Variants in VPS13B observed in about 807,000 individuals in gnomAD.
The protein encoded by VPS13B is vacuolar protein sorting 13 homolog B, also known as intermembrane lipid transfer protein VPS13B.
In VPS13B, 285 loss-of-function variants were observed where a neutral mutation model predicts 426.4. The observed-to-expected ratio is 0.67, with a 90% CI of 0.61 to 0.74. The LOEUF is 0.74. Ranked by LOEUF, VPS13B falls within the 30% of genes least tolerant of loss-of-function variation. The probability of loss-of-function intolerance (pLI) is 0.00; values close to 1 mark genes in which losing one functional copy is unlikely to be tolerated. For missense variants in VPS13B, 4,537 were observed against 4,782.6 expected, an observed-to-expected ratio of 0.95 and a Z score of 1.51; for synonymous variants, 1,676 against 1,676.4, an observed-to-expected ratio of 1.00 and a Z score of 0.01.
At chr8:99,765,633 G>C (rs1811179847) in intron 39 of VPS13B, among the ~76,000 whole-genome samples, 1 of 152,238 alleles carries the variant, frequency 6.6e-6, no homozygotes, top group African/African-American at 2.4e-5. Context: ...ATGCAGAAGT[G>C]CCCCCAGGGG....
intron 46 of VPS13B, 51 bp from the exon 47 acceptor site, chr8:99,818,662 A>G (rs750972843): frequency 1.9e-5 from 31 of 1,610,374 alleles, no homozygotes; most frequent in Non-Finnish European, 2.5e-5. Context: ...AACAGCTGGA[A>G]TACTGCAACA....
At chr8:99,386,788 T>C (rs1002346492) in intron 20 of VPS13B, among the ~76,000 whole-genome samples, 1 of 152,002 alleles carries the variant, frequency 6.6e-6, no homozygotes, top group Admixed American at 6.6e-5. Context: ...CTGGGGAACA[T>C]AGCGAGACTC....
chr8:99,625,376 A>G (rs72674702), intron 33 of VPS13B, among the ~76,000 whole-genome samples: 20,851 of 152,098 alleles, frequency 0.14, 1,983 homozygotes, highest in East Asian at 0.39. Context: ...TCACTTTCCC[A>G]AAGGCCTTTG....
intron 3 of VPS13B, among the ~76,000 whole-genome samples, chr8:99,061,390 G>A (rs1844183460): frequency 6.9e-6 from 1 of 144,290 alleles, no homozygotes; most frequent in Non-Finnish European, 1.5e-5. Context: ...TGAGACTTTA[G>A]TTTTTCTATC....
rs566485580 is a variant in VPS13B at position 99,493,850 on chromosome 8, A to G, written c.3871-7837A>G. On this transcript the variant is annotated intron_variant, in intron 25 of 61. Transcript: ENST00000357162. ...AAGAGAATGAAATGGTAAGGACCAT[A>G]TGGACAAAGGACCCTAATTTAATAA... Among the ~76,000 whole-genome samples, 71 of 151,896 alleles carry G rather than the reference A, an allele frequency of 4.7e-4. 1 individual carries two copies. The highest frequency in any genetic ancestry group is 3.7e-3 in the South Asian group (18 of 4,822).
chr8:99,530,172 C>G (rs532163093), intron 30 of VPS13B, among the ~76,000 whole-genome samples: 7 of 152,036 alleles, frequency 4.6e-5, no homozygotes, highest in African/African-American at 1.7e-4. Flanking sequence ...CCTTAAGAAT[C>G]GCATCTATTT....
chr8:99,041,288 C>T (rs1230100324), intron 3 of VPS13B, among the ~76,000 whole-genome samples: 1 of 152,186 alleles, frequency 6.6e-6, no homozygotes, highest in Non-Finnish European at 1.5e-5. Context: ...TTAAATCTTG[C>T]AGAGTTACTA....
chr8:99,186,244 A>C (rs1403152161), intron 16 of VPS13B, among the ~76,000 whole-genome samples: 1 of 152,146 alleles, frequency 6.6e-6, no homozygotes, highest in African/African-American at 2.4e-5. Flanking sequence ...TCCAGAAGTT[A>C]GAAATTTTTG....
At chr8:99,021,071 G>A (rs1841859070) in intron 2 of VPS13B, among the ~76,000 whole-genome samples, 2 of 152,186 alleles carry the variant, frequency 1.3e-5, no homozygotes, top group African/African-American at 4.8e-5. Context: ...TTAGGGATCA[G>A]CAAACTGTGT....
chr8:99,731,019 G>C (rs113070401), intron 39 of VPS13B, among the ~76,000 whole-genome samples: 1 of 152,168 alleles, frequency 6.6e-6, no homozygotes, highest in Non-Finnish European at 1.5e-5. Flanking sequence ...AAAAAATGGA[G>C]TGAAGTTGTA....
rs1056623840 is a variant in VPS13B, at chr8:99,690,663, A to G, written c.6047-8862A>G. On this transcript the variant is annotated intron_variant, in intron 35 of 61. Transcript: ENST00000357162. The stretch of plus-strand genomic sequence containing the variant: ...ATATAAAAAGAACTCCTACAATTCA[A>G]TAATAAAAGGACAAATAACCAAATT... Among the ~76,000 whole-genome samples the G allele has an allele frequency of 5.3e-5, 8 of 152,286 alleles. No individual in the cohort carries two copies. In the East Asian group the frequency reaches 9.6e-4, roughly 18 times the overall value.
chr8:99,403,545 T>C (rs1202623160), intron 21 of VPS13B, among the ~76,000 whole-genome samples: 2 of 134,020 alleles, frequency 1.5e-5, no homozygotes, highest in African/African-American at 2.9e-5. Context: ...CAAGACTCTG[T>C]CTCAAAAAAA....
chr8:99,748,708 A>G (rs575746718), intron 39 of VPS13B, among the ~76,000 whole-genome samples: 1 of 152,086 alleles, frequency 6.6e-6, no homozygotes, highest in East Asian at 1.9e-4. Flanking sequence ...TACTTTGTGG[A>G]GACAGTGTTG....
chr8:99,567,628 A>T (rs1188644588), intron 31 of VPS13B, among the ~76,000 whole-genome samples: 1 of 152,042 alleles, frequency 6.6e-6, no homozygotes, highest in African/African-American at 2.4e-5. Flanking sequence ...GATGCTTTAT[A>T]TGTCTTTATA....
intron 2 of VPS13B, among the ~76,000 whole-genome samples, chr8:99,017,014 T>C (rs1452373142): frequency 1.3e-5 from 2 of 152,218 alleles, no homozygotes; most frequent in Non-Finnish European, 2.9e-5. Flanking sequence ...TTAATAATCT[T>C]ACTGAGGTCC....
intron 12 of VPS13B, among the ~76,000 whole-genome samples, chr8:99,137,001 T>C (rs1433424625): frequency 6.6e-6 from 1 of 152,168 alleles, no homozygotes; most frequent in African/African-American, 2.4e-5. Context: ...ATGTGTACCA[T>C]ATATTATGAT....
intron 14 of VPS13B, among the ~76,000 whole-genome samples, chr8:99,153,153 A>AGAGT (rs1283068420): frequency 6.6e-6 from 1 of 152,242 alleles, no homozygotes; most frequent in Non-Finnish European, 1.5e-5. Flanking sequence ...CCTGGGTGAC[A>AGAGT]GAGTGAGACC....
chr8:99,572,709 A>C (rs904263937), intron 31 of VPS13B, among the ~76,000 whole-genome samples: 2 of 152,094 alleles, frequency 1.3e-5, no homozygotes, highest in African/African-American at 4.8e-5. Flanking sequence ...TCATTGATGG[A>C]TATTTGGGTT....
chr8:99,603,917 C>T (rs1187887029), intron 33 of VPS13B, among the ~76,000 whole-genome samples: 1 of 152,120 alleles, frequency 6.6e-6, no homozygotes, highest in Non-Finnish European at 1.5e-5. Flanking sequence ...GTGGCAGGAA[C>T]CTGCTTATTC....
Sources: allele counts gnomAD v4.1 joint callset (sites outside exome capture counted in the v4.1 genomes callset), GRCh38; gene constraint gnomAD v4.1.1; transcripts MANE v1.5; gene names NCBI Gene and HGNC (gene_info 2026-07-23, HGNC 2026-07-21).